PIAS2: variants seen among roughly 807,000 people sequenced by gnomAD.
PIAS2 encodes E3 SUMO-protein ligase PIAS2.
PIAS2 carries 19 observed loss-of-function variants against 69.7 expected under a neutral mutation model. That is an observed-to-expected ratio of 0.27 (90% CI 0.19 to 0.40). The LOEUF is 0.40. Ranked by LOEUF, PIAS2 falls within the 10% of genes least tolerant of loss-of-function variation. PIAS2 has a pLI of 1.00. For missense variants in PIAS2, 624 were observed against 757.0 expected, an observed-to-expected ratio of 0.82 and a Z score of 2.06; for synonymous variants, 261 against 263.2, an observed-to-expected ratio of 0.99 and a Z score of 0.08.
At chr18:46,916,820 G>C in intron 1 of PIAS2, 2 of 985,374 alleles carry the variant, frequency 2.0e-6, no homozygotes, top group Non-Finnish European at 2.4e-6. Context: ...GCCTTTTCTC[G>C]TGACAGACCT....
At chr18:46,848,098 C>T (rs1282794518) in intron 5 of PIAS2, among the ~76,000 whole-genome samples, 2 of 152,156 alleles carry the variant, frequency 1.3e-5, no homozygotes, top group African/African-American at 2.4e-5. Flanking sequence ...TCACTTTTCA[C>T]TCAGTCATTA....
At chr18:46,898,664 AT>A (rs1273921011) in intron 1 of PIAS2, among the ~76,000 whole-genome samples, 2 of 152,182 alleles carry the variant, frequency 1.3e-5, no homozygotes, top group African/African-American at 2.4e-5. Flanking sequence ...AAATTTTAAA[AT>A]TTTGCAAGAG....
chr18:46,916,364 G>A (rs2057891469), intron 1 of PIAS2, among the ~76,000 whole-genome samples: 1 of 150,932 alleles, frequency 6.6e-6, no homozygotes, highest in Admixed American at 6.6e-5. Context: ...TGCAGTAAAT[G>A]TAATTTCAAG....
In PIAS2 at chr18:46,811,743, A is replaced by C. The variant is rs755245036; in HGVS notation, c.*690T>G. On this transcript the variant is annotated 3_prime_UTR_variant, in exon 14 of 14. Coordinates refer to ENST00000585916, the MANE Select transcript of PIAS2 (RefSeq NM_004671.5). The stretch of plus-strand genomic sequence containing the variant: ...CTTTTAAACATAATCACCAATGAAG[A>C]GTAGCCAAATCCCAGAACTTCACAC... The C allele has an allele frequency of 6.6e-6, 1 of 152,380 alleles. No homozygotes were observed. The highest frequency in any genetic ancestry group is 1.9e-4 in the East Asian group (1 of 5,194). The allele number at this position is 152,380 out of a possible 1,614,324, so 9.4% of individuals were successfully genotyped here.
chr18:46,817,386 A>G (rs1321239734), intron 12 of PIAS2: 38 of 965,122 alleles, frequency 3.9e-5, no homozygotes, highest in South Asian at 4.8e-5. Flanking sequence ...TTTGAAAATT[A>G]TATCAAGCCT....
chr18:46,878,838 A>G (rs1414551759), intron 2 of PIAS2, among the ~76,000 whole-genome samples: 1 of 152,252 alleles, frequency 6.6e-6, no homozygotes, highest in Non-Finnish European at 1.5e-5. Context: ...ACTGCACTCC[A>G]GCCTGGGCAA....
chr18:46,842,914 A>T (rs2045633058), intron 8 of PIAS2, among the ~76,000 whole-genome samples: 1 of 152,194 alleles, frequency 6.6e-6, no homozygotes, highest in African/African-American at 2.4e-5. Flanking sequence ...AATAAAGGCA[A>T]ATTCATGTTT....
At chr18:46,863,714 T>C (rs894654879) in intron 3 of PIAS2, among the ~76,000 whole-genome samples, 2 of 152,254 alleles carry the variant, frequency 1.3e-5, no homozygotes, top group African/African-American at 4.8e-5. Context: ...ACTAAATATT[T>C]GGCTGACTTT....
At chr18:46,870,615 CAAAAAAAAAAAAAA>C (rs58099640) in intron 2 of PIAS2, among the ~76,000 whole-genome samples, 8 of 54,934 alleles carry the variant, frequency 1.5e-4, no homozygotes, top group South Asian at 2.1e-3. Context: ...GACTCCGTCT[CAAAAAAAAAAAAAA>C]AAAAAAAAAA....
chr18:46,889,364 T>C (rs1322884747), intron 2 of PIAS2, among the ~76,000 whole-genome samples: 2 of 152,154 alleles, frequency 1.3e-5, no homozygotes, highest in Non-Finnish European at 2.9e-5. Context: ...ATCCAGAATA[T>C]ACAGAGAACT....
chr18:46,818,408 A>C, intron 12 of PIAS2: 3 of 1,587,774 alleles, frequency 1.9e-6, no homozygotes, highest in Non-Finnish European at 2.6e-6. Flanking sequence ...AGATGTTCCA[A>C]GCTTCAGTTC....
chr18:46,835,863 T>C lies in PIAS2; in HGVS notation c.1202+494A>G, dbSNP rs371734891. The stretch of plus-strand genomic sequence containing the variant: ...TTATTTGAAACAAGATACTAAAAAT[T>C]AGTTCATGTCATTTTCCAAATTCTG... On this transcript the variant is annotated intron_variant, in intron 9 of 13. Transcript: ENST00000585916. Among the ~76,000 whole-genome samples the C allele has an allele frequency of 6.6e-5, 10 of 152,322 alleles. No individual in the cohort carries two copies. In the East Asian group the frequency reaches 9.6e-4, roughly 15 times the overall value.
intron 12 of PIAS2, 28 bp downstream of exon 12, chr18:46,820,905 A>C: frequency 6.3e-7 from 1 of 1,579,246 alleles, no homozygotes; most frequent in South Asian, 1.2e-5. Context: ...TCATTAAAAA[A>C]CAAAAGAAAC....
intron 1 of PIAS2, among the ~76,000 whole-genome samples, chr18:46,900,119 C>T (rs1284526828): frequency 6.6e-6 from 1 of 152,024 alleles, no homozygotes; most frequent in Non-Finnish European, 1.5e-5. Context: ...AATCCCAGCA[C>T]TTTGGGAGGC....
chr18:46,844,061 A>G lies in PIAS2; in HGVS notation c.1034T>C (p.Met345Thr). The G allele has an allele frequency of 6.5e-7, 1 of 1,529,424 alleles. No homozygotes were observed. Among genetic ancestry groups the G allele is most frequent in the South Asian group, 1.4e-5 (1 of 73,900 alleles). 94.7% of individuals were successfully genotyped at this position (1,529,424 alleles called of 1,614,324 possible). Residue 345 changes from methionine (M) to threonine (T), a missense_variant, in exon 8 of 14, where the codon ATG becomes ACG. This residue lies in a region of PIAS2 where 44 missense variants were observed against 90.9 expected (regional missense o/e 0.48). Transcript: ENST00000585916. ...IATTSLRVSL[M>T]CPLGKMRLTI... ...TTTTGTTGCTTTACTTACAGGGCACATCAAGGATACCCGAAGGCTAGTTGT... is the reference window on the plus strand; with the variant it reads ...TTTTGTTGCTTTACTTACAGGGCACGTCAAGGATACCCGAAGGCTAGTTGT...
At chr18:46,826,613 T>C (rs183495579) in intron 11 of PIAS2, among the ~76,000 whole-genome samples, 4 of 152,306 alleles carry the variant, frequency 2.6e-5, no homozygotes, top group Middle Eastern at 3.4e-3. Flanking sequence ...TATAACTTCA[T>C]TTTCTGTTTA....
chr18:46,816,555 G>C (rs1293844827), intron 12 of PIAS2: 1 of 554,614 alleles, frequency 1.8e-6, no homozygotes, highest in African/African-American at 2.1e-5. Flanking sequence ...ATAGGTAACT[G>C]TAGCCTTTAC....
chr18:46,849,498 T>C (rs2046648323), intron 5 of PIAS2, among the ~76,000 whole-genome samples: 1 of 152,118 alleles, frequency 6.6e-6, no homozygotes, highest in Non-Finnish European at 1.5e-5. Context: ...GTGGGGCAAA[T>C]ATGCGAGCTT....
intron 2 of PIAS2, among the ~76,000 whole-genome samples, chr18:46,872,880 A>G (rs1167961440): frequency 6.6e-6 from 1 of 152,190 alleles, no homozygotes. Flanking sequence ...GAAATCCACC[A>G]GGTTGAGGAG....
Sources: allele counts gnomAD v4.1 joint callset (sites outside exome capture counted in the v4.1 genomes callset), GRCh38; gene constraint gnomAD v4.1.1; regional missense constraint gnomAD v4.1.1; transcripts MANE v1.5; gene names NCBI Gene and HGNC (gene_info 2026-07-23, HGNC 2026-07-21).